MAP4K4: variants seen among roughly 807,000 people sequenced by gnomAD.
MAP4K4 encodes the protein HPK/GCK-like kinase HGK.
In MAP4K4, 38 loss-of-function variants were observed where a neutral mutation model predicts 189.6. That is an observed-to-expected ratio of 0.20 (90% CI 0.15 to 0.26). The LOEUF is 0.26. MAP4K4 is among the 10% of genes least tolerant of loss of function. The pLI, the probability that MAP4K4 is intolerant of heterozygous loss-of-function variation, is 1.00. For missense variants in MAP4K4, 1,054 were observed against 1,726.9 expected (o/e 0.61, Z 6.91); for synonymous variants, 610 against 624.3 (o/e 0.98, Z 0.34).
At chr2:101,707,303 G>C (rs977069178) in intron 2 of MAP4K4, among the ~76,000 whole-genome samples, 2 of 151,452 alleles carry the variant, frequency 1.3e-5, no homozygotes, top group Non-Finnish European at 2.9e-5. Context: ...CCGCCTTGTG[G>C]GTACAAGCAA....
chr2:101,725,387 C>A (rs1054675070), intron 2 of MAP4K4, among the ~76,000 whole-genome samples: 622 of 110,028 alleles, frequency 5.7e-3, no homozygotes, highest in Non-Finnish European at 6.4e-3. Context: ...AAAAGATAAG[C>A]AAAAAAAAAA....
At position 101,816,612 on chromosome 2, in the gene MAP4K4, C is replaced by T. The variant is rs571650783; in HGVS notation, c.181-7316C>T. Among the ~76,000 whole-genome samples the T allele has an allele frequency of 4.6e-5, 7 of 152,272 alleles. No individual in the cohort carries two copies. In the East Asian group the frequency reaches 1.4e-3, roughly 29 times the overall value. On this transcript the variant is annotated intron_variant, in intron 3 of 32. Coordinates refer to ENST00000324219, the Ensembl canonical transcript of MAP4K4. Reference sequence around the variant, plus strand: ...CTTTGGCAGGTCAGGAAAGTGAAGACAGTGGATGATGAGTGCTCCACCTAC... The same window carrying T: ...CTTTGGCAGGTCAGGAAAGTGAAGATAGTGGATGATGAGTGCTCCACCTAC...
intron 12 of MAP4K4, among the ~76,000 whole-genome samples, chr2:101,849,623 C>CT (rs1206851884): frequency 2.6e-4 from 4 of 15,280 alleles, no homozygotes; most frequent in African/African-American, 3.4e-4. Context: ...TAGTTTTGTG[C>CT]TCTTTTTTTT....
chr2:101,834,521 A>G, intron 8 of MAP4K4, 58 bp downstream of exon 8: 2 of 1,350,956 alleles, frequency 1.5e-6, no homozygotes, highest in Admixed American at 1.9e-5. Context: ...AACCCCTCCC[A>G]AGACTTCAAA....
chr2:101,698,450 C>A (rs749689650), intron 1 of MAP4K4, 23 bp from the exon 2 acceptor site: 1 of 1,601,666 alleles, frequency 6.2e-7, no homozygotes, highest in Non-Finnish European at 8.6e-7. Flanking sequence ...TAAATGATAA[C>A]CCCTCCCCTC....
At chr2:101,878,070 G>A (rs13403478) in intron 27 of MAP4K4, among the ~76,000 whole-genome samples, 1 of 152,122 alleles carries the variant, frequency 6.6e-6, no homozygotes, top group South Asian at 2.1e-4. Flanking sequence ...TTTTTAAGAA[G>A]AGCATTTTTC....
chr2:101,823,187 T>C (rs1274437596), intron 3 of MAP4K4, among the ~76,000 whole-genome samples: 1 of 152,202 alleles, frequency 6.6e-6, no homozygotes, highest in Non-Finnish European at 1.5e-5. Flanking sequence ...TTTCCAGACT[T>C]GTGTCACTAT....
At chr2:101,703,845 T>C (rs1173613900) in intron 2 of MAP4K4, among the ~76,000 whole-genome samples, 1 of 151,758 alleles carries the variant, frequency 6.6e-6, no homozygotes, top group African/African-American at 2.4e-5. Flanking sequence ...ACCCCATCTC[T>C]ACTAAAAATA....
At chr2:101,743,410 C>T (rs2063718156) in intron 2 of MAP4K4, among the ~76,000 whole-genome samples, 1 of 151,748 alleles carries the variant, frequency 6.6e-6, no homozygotes, top group Non-Finnish European at 1.5e-5. Flanking sequence ...TTTGACCGTT[C>T]ATTTTTGGAT....
chr2:101,818,542 T>C (rs2095853067), intron 3 of MAP4K4, among the ~76,000 whole-genome samples: 1 of 152,126 alleles, frequency 6.6e-6, no homozygotes, highest in Admixed American at 6.5e-5. Flanking sequence ...GTTACTACCA[T>C]TGATGGAATG....
intron 2 of MAP4K4, among the ~76,000 whole-genome samples, chr2:101,738,518 A>G (rs908130197): frequency 1.3e-5 from 2 of 152,126 alleles, no homozygotes; most frequent in African/African-American, 4.8e-5. Flanking sequence ...TGCCTTTGGG[A>G]GTCGATTTGT....
At chr2:101,773,527 C>T (rs142059717) in intron 2 of MAP4K4, among the ~76,000 whole-genome samples, 3 of 152,162 alleles carry the variant, frequency 2.0e-5, no homozygotes, top group Non-Finnish European at 4.4e-5. Context: ...GCATGCAATG[C>T]GTAATAGTCA....
At chr2:101,856,277 G>GT (rs1448046145) in intron 13 of MAP4K4, 139 bp downstream of exon 13, 1 of 743,000 alleles carries the variant, frequency 1.3e-6, no homozygotes, top group African/African-American at 1.8e-5. Flanking sequence ...AACTTCAGAT[G>GT]TATGAACGTG....
intron 2 of MAP4K4, among the ~76,000 whole-genome samples, chr2:101,789,727 G>T (rs998418740): frequency 1.2e-4 from 19 of 152,206 alleles, no homozygotes; most frequent in African/African-American, 4.6e-4. Context: ...TCACAAAGTT[G>T]TTAAGTAGAT....
At chr2:101,782,942 T>A (rs911411398) in intron 2 of MAP4K4, among the ~76,000 whole-genome samples, 2 of 152,186 alleles carry the variant, frequency 1.3e-5, no homozygotes, top group Non-Finnish European at 2.9e-5. Context: ...GGTCTTTGCC[T>A]TTTTTGTGGT....
intron 2 of MAP4K4, among the ~76,000 whole-genome samples, chr2:101,775,292 G>T (rs1181685221): frequency 1.3e-5 from 2 of 151,508 alleles, no homozygotes; most frequent in African/African-American, 2.4e-5. Flanking sequence ...AGAGGCTGTT[G>T]AGTCAGCTCT....
intron 8 of MAP4K4, 76 bp from the exon 9 acceptor site, chr2:101,835,824 T>G: frequency 1.0e-6 from 1 of 974,616 alleles, no homozygotes; most frequent in East Asian, 2.5e-5. Flanking sequence ...CATTTCATGT[T>G]ATTTATGACT....
At chr2:101,892,545 C>A (rs986243050) in exon 33 of MAP4K4, 114 of 246,276 alleles carry the variant, frequency 4.6e-4, no homozygotes, top group African/African-American at 2.5e-3. Flanking sequence ...AATAGTCACA[C>A]AAACTGTTCA....
intron 2 of MAP4K4, among the ~76,000 whole-genome samples, chr2:101,725,731 A>C (rs1174147033): frequency 6.6e-6 from 1 of 151,980 alleles, no homozygotes; most frequent in African/African-American, 2.4e-5. Context: ...TCTCATCAAC[A>C]CTTTTGAGGT....
Sources: gnomAD v4.1 joint callset for allele counts (sites outside exome capture counted in the v4.1 genomes callset) on GRCh38, gnomAD v4.1.1 for gene constraint, MANE v1.5 for transcripts, NCBI Gene and HGNC (gene_info 2026-07-23, HGNC 2026-07-21) for gene names.